The following BHMT2 variants were observed in gnomAD, a reference collection of about 807,000 sequenced individuals.
BHMT2 encodes the protein betaine--homocysteine S-methyltransferase 2, also known as S-methylmethionine--homocysteine S-methyltransferase BHMT2.
A neutral mutation model predicts 39.0 loss-of-function variants in BHMT2; 28 were observed. The observed-to-expected ratio is 0.72, with a 90% CI of 0.53 to 0.98. The LOEUF (loss-of-function observed/expected upper bound fraction) is 0.98, where lower values mean the gene tolerates loss of function less well. BHMT2 is among the 50% of genes least tolerant of loss of function. The pLI is 0.00. For synonymous variants in BHMT2, 145 were observed against 160.6 expected, an observed-to-expected ratio of 0.90 and a Z score of 0.74; for missense variants, 410 against 455.6, an observed-to-expected ratio of 0.90 and a Z score of 0.91.
chr5:79,075,065 GT>G (rs1399156527), intron 1 of BHMT2, among the ~76,000 whole-genome samples: 1 of 152,162 alleles, frequency 6.6e-6, no homozygotes, highest in African/African-American at 2.4e-5. Context: ...AGTCTCAGTG[GT>G]AACTACTCAA....
intron 7 of BHMT2, among the ~76,000 whole-genome samples, chr5:79,086,998 ATG>A (rs376885057): frequency 0.035 from 4,405 of 124,924 alleles, 105 homozygotes; most frequent in Middle Eastern, 0.078. Context: ...TTGTGTATGT[ATG>A]TGTGTGTGTG....
Position 79,069,951 on chromosome 5 carries a change from A to G in BHMT2, c.33+136A>G, listed in dbSNP as rs61522542. On this transcript the variant is annotated intron_variant, in intron 1 of 7. Coordinates refer to ENST00000255192, the MANE Select transcript of BHMT2 (RefSeq NM_017614.5). ...CTTGGACGGGATGGCCCTGAGCCTC[A>G]ATTTTCCCCTGTCACGGGTTGGTTA... 1.8e-3 allele frequency: 1,728 copies of G among 964,106 alleles called. 19 individuals carry two copies. The African/African-American group carries it at 0.024, about 14-fold the overall frequency. The allele number at this position is 964,106 out of a possible 1,614,324, so 59.7% of individuals were successfully genotyped here.
At chr5:79,083,138 A>G in intron 5 of BHMT2, 54 bp from the exon 6 acceptor site, 1 of 1,586,810 alleles carries the variant, frequency 6.3e-7, no homozygotes, top group Non-Finnish European at 8.6e-7. Context: ...CAACTATTAA[A>G]AAAAAAGAAT....
intron 7 of BHMT2, among the ~76,000 whole-genome samples, chr5:79,086,183 T>C (rs1381127827): frequency 2.0e-5 from 3 of 152,224 alleles, no homozygotes; most frequent in Non-Finnish European, 4.4e-5. Flanking sequence ...GGTAATTCTC[T>C]TGGGCCAGAT....
intron 1 of BHMT2, among the ~76,000 whole-genome samples, chr5:79,074,005 G>C (rs1329828811): frequency 6.6e-6 from 1 of 152,140 alleles, no homozygotes; most frequent in Non-Finnish European, 1.5e-5. Flanking sequence ...AGCATTCCAG[G>C]GTCACGTGAG....
intron 5 of BHMT2, 72 bp from the exon 6 acceptor site, chr5:79,083,120 G>A: frequency 1.0e-5 from 16 of 1,589,606 alleles, no homozygotes; most frequent in Non-Finnish European, 1.4e-5. Context: ...AACCTCTAAG[G>A]TACCTTCCAA....
intron 7 of BHMT2, 60 bp from the exon 8 acceptor site, chr5:79,088,433 A>G: frequency 1.7e-6 from 2 of 1,209,832 alleles, no homozygotes; most frequent in African/African-American, 3.1e-5. Flanking sequence ...TACATATATG[A>G]CATATTGGAC....
chr5:79,070,071 G>C (rs1339575343), intron 1 of BHMT2, among the ~76,000 whole-genome samples: 1 of 152,210 alleles, frequency 6.6e-6, no homozygotes, highest in Non-Finnish European at 1.5e-5. Flanking sequence ...TTTCACAGGT[G>C]AGGAAACTGA....
chr5:79,076,223 C>T (rs1755668207), intron 1 of BHMT2, among the ~76,000 whole-genome samples: 1 of 152,160 alleles, frequency 6.6e-6, no homozygotes, highest in African/African-American at 2.4e-5. Flanking sequence ...CTCTGATTAC[C>T]CCTGGCTGAA....
intron 7 of BHMT2, among the ~76,000 whole-genome samples, chr5:79,084,434 C>T (rs764292137): frequency 6.6e-6 from 1 of 152,064 alleles, no homozygotes; most frequent in Non-Finnish European, 1.5e-5. Flanking sequence ...CCACCACATC[C>T]GGCTAATTTT....
In BHMT2 at chr5:79,071,989, G is replaced by A. The variant is rs943937258; in HGVS notation, c.33+2174G>A. Among the ~76,000 whole-genome samples, 8 of 151,918 alleles carry A rather than the reference G, an allele frequency of 5.3e-5. No homozygotes were observed. The South Asian group carries it at 1.2e-3, about 24-fold the overall frequency. On this transcript the variant is annotated intron_variant, in intron 1 of 7. Coordinates refer to ENST00000255192, the MANE Select transcript of BHMT2 (RefSeq NM_017614.5). ...TATGTAGAAAAATGGCAAATTGGCCGGGCACAGTGGCTCACACCTGTAATC... is the reference window on the plus strand; with the variant it reads ...TATGTAGAAAAATGGCAAATTGGCCAGGCACAGTGGCTCACACCTGTAATC...
At position 79,088,848 on chromosome 5, in the gene BHMT2, G is replaced by C. The variant is rs1755960309; in HGVS notation, c.*274G>C. 1 of 289,674 alleles carries C rather than the reference G, an allele frequency of 3.5e-6. No individual in the cohort carries two copies. The highest frequency in any genetic ancestry group is 7.1e-5 in the East Asian group (1 of 14,138). 17.9% of individuals were successfully genotyped at this position (289,674 alleles called of 1,614,324 possible). On this transcript the variant is annotated 3_prime_UTR_variant, in exon 8 of 8. Coordinates refer to ENST00000255192, the MANE Select transcript of BHMT2 (RefSeq NM_017614.5). ...GAACTTACTGTCCAATCATGCTGTG[G>C]TGCATTCCTTTGAAGATCATGAAGA...
rs201760924 is a variant in BHMT2 at position 79,077,620 on chromosome 5, T to C, written c.166+8T>C. The C allele has an allele frequency of 1.1e-5, 18 of 1,612,980 alleles. No individual in the cohort carries two copies. The highest frequency in any genetic ancestry group is 1.5e-5 in the Non-Finnish European group (18 of 1,179,572). On this transcript the variant is annotated splice_region_variant and intron_variant, in intron 2 of 7. Coordinates refer to ENST00000255192, the MANE Select transcript of BHMT2 (RefSeq NM_017614.5). ...TAGAACACCCAGACGCAGGTTGGTG[T>C]CCACATCCCCAAGAGTGTCTACCTG...
intron 2 of BHMT2, 111 bp downstream of exon 2, chr5:79,077,723 C>A: frequency 7.5e-7 from 1 of 1,329,504 alleles, no homozygotes. Context: ...GTTTTGCTTG[C>A]TAAGATTGCC....
chr5:79,082,934 T>G lies in BHMT2; in HGVS notation c.576T>G (p.Cys192Trp). ...GDMHDITPGE[C>W]AVRLVKAGAS... is the part of the protein sequence containing the mutation. ...TGCATGATATAACCCCCGGAGAATG[T>G]GCTGTGAGGCTGGTGAAGGCAGGTA... Residue 192 changes from cysteine (C) to tryptophan (W), a missense_variant, in exon 5 of 8, where the codon TGT becomes TGG. Cys to Trp is a radical substitution (Grantham distance 215). Transcript: ENST00000255192. 6.2e-7 allele frequency: 1 copy of G among 1,614,184 alleles called. No homozygotes were observed. The highest frequency in any genetic ancestry group is 8.5e-7 in the Non-Finnish European group (1 of 1,180,030).
Position 79,069,803 on chromosome 5 carries a change from G to C in BHMT2, c.21G>C (p.Pro7=). The change falls in exon 1 of 8, where the codon CCG becomes CCC. Residue 7 remains proline (P), a synonymous_variant. Coordinates refer to ENST00000255192, the MANE Select transcript of BHMT2 (RefSeq NM_017614.5). MAPAGR[P]GAKKGILERL... is the part of the protein sequence containing the mutation. ...GCACCATGGCACCTGCTGGACGCCC[G>C]GGGGCCAAGAAGGTGAGTTTCGTCC... 2 of 1,433,488 alleles carry C rather than the reference G, an allele frequency of 1.4e-6. No individual in the cohort carries two copies. The highest frequency in any genetic ancestry group is 2.7e-5 in the Admixed American group (1 of 36,736). 88.8% of individuals were successfully genotyped at this position (1,433,488 alleles called of 1,614,324 possible). A position where few individuals can be genotyped will look rare whatever the true frequency, so the allele number is the denominator to read the frequency against.
chr5:79,083,412 C>A, intron 6 of BHMT2, 38 bp downstream of exon 6: 2 of 1,542,656 alleles, frequency 1.3e-6, no homozygotes, highest in South Asian at 1.3e-5. Flanking sequence ...TTGTATTTCT[C>A]GTGACAAAAT....
At chr5:79,074,130 G>A (rs1205519697) in intron 1 of BHMT2, among the ~76,000 whole-genome samples, 1 of 152,148 alleles carries the variant, frequency 6.6e-6, no homozygotes, top group Non-Finnish European at 1.5e-5. Flanking sequence ...GCCCCAGCCG[G>A]CCAATTCAGT....
At chr5:79,079,341 CA>C in intron 2 of BHMT2, 27 bp from the exon 3 acceptor site, 1 of 1,491,732 alleles carries the variant, frequency 6.7e-7, no homozygotes, top group African/African-American at 1.4e-5. Context: ...TCATTTATTT[CA>C]ATGTTTAAAA....
Sources: allele counts gnomAD v4.1 joint callset (sites outside exome capture counted in the v4.1 genomes callset), GRCh38; gene constraint gnomAD v4.1.1; transcripts MANE v1.5; gene names NCBI Gene and HGNC (gene_info 2026-07-23, HGNC 2026-07-21).